DLGAP2: variants seen among roughly 807,000 people sequenced by gnomAD.
DLGAP2 encodes disks large-associated protein 2.
Under a neutral mutation model 100.3 loss-of-function variants are expected in DLGAP2, and 26 were observed. The ratio of observed to expected loss-of-function variants is 0.26; its 90% confidence interval spans 0.19 to 0.36. The LOEUF (loss-of-function observed/expected upper bound fraction) is 0.36, where lower values mean the gene tolerates loss of function less well. Ranked by LOEUF, DLGAP2 falls within the 10% of genes least tolerant of loss-of-function variation. DLGAP2 has a pLI of 1.00. For missense variants in DLGAP2, 1,858 were observed against 1,453.2 expected, an observed-to-expected ratio of 1.28 and a Z score of -4.53; for synonymous variants, 886 against 630.1, an observed-to-expected ratio of 1.41 and a Z score of -6.08.
intron 1 of DLGAP2, among the ~76,000 whole-genome samples, chr8:786,710 G>C (rs1451570024): frequency 6.6e-6 from 1 of 152,150 alleles, no homozygotes; most frequent in Non-Finnish European, 1.5e-5. Flanking sequence ...GCTGAGAAGG[G>C]AGAGTTTCCC....
intron 1 of DLGAP2, among the ~76,000 whole-genome samples, chr8:857,681 G>T (rs1266584867): frequency 6.6e-6 from 1 of 152,176 alleles, no homozygotes; most frequent in African/African-American, 2.4e-5. Context: ...ACACCATCAA[G>T]TGCTGGTGAG....
At chr8:1,225,627 C>G (rs977555687) in intron 2 of DLGAP2, among the ~76,000 whole-genome samples, 1 of 152,208 alleles carries the variant, frequency 6.6e-6, no homozygotes, top group Non-Finnish European at 1.5e-5. Context: ...GTATCATGAA[C>G]ACTTTTAAGC....
At chr8:1,349,518 T>G (rs1801654081) in intron 3 of DLGAP2, among the ~76,000 whole-genome samples, 1 of 142,264 alleles carries the variant, frequency 7.0e-6, no homozygotes, top group African/African-American at 2.7e-5. Context: ...AAAGGGGTGT[T>G]TGAGGGGGAC....
At chr8:931,761 G>C (rs1443257903) in intron 2 of DLGAP2, among the ~76,000 whole-genome samples, 8 of 152,188 alleles carry the variant, frequency 5.3e-5, no homozygotes, top group Admixed American at 3.3e-4. Context: ...ACAGGAAAAA[G>C]GGCCCCACTT....
intron 4 of DLGAP2, among the ~76,000 whole-genome samples, chr8:1,548,257 T>G (rs1801609298): frequency 6.6e-6 from 1 of 151,872 alleles, no homozygotes; most frequent in Admixed American, 6.6e-5. Flanking sequence ...GTCAGGAGTT[T>G]GAAACTAGCC....
chr8:1,302,748 G>T (rs1481878477), intron 3 of DLGAP2: 1 of 152,258 alleles, frequency 6.6e-6, no homozygotes, highest in Non-Finnish European at 1.5e-5. Context: ...CGAAGGGAAG[G>T]GCTCTTGCCC....
At chr8:900,113 CT>C (rs540531723) in intron 1 of DLGAP2, among the ~76,000 whole-genome samples, 1 of 152,126 alleles carries the variant, frequency 6.6e-6, no homozygotes, top group South Asian at 2.1e-4. Flanking sequence ...GCGGCCTCCT[CT>C]TCACGGCGTC....
intron 3 of DLGAP2, among the ~76,000 whole-genome samples, chr8:1,377,573 C>T (rs1795987900): frequency 6.6e-6 from 1 of 152,126 alleles, no homozygotes; most frequent in Admixed American, 6.5e-5. Context: ...AATAAAGATG[C>T]ACAGGTCTTC....
Position 1,707,591 on chromosome 8 carries a change from G to A in DLGAP2, c.*6185G>A, listed in dbSNP as rs981704866. On this transcript the variant is annotated 3_prime_UTR_variant, in exon 15 of 15. Transcript: ENST00000637795. ...TACTTTCGAACGCTTCCTTCCGAAC[G>A]GTAAGCCACTTCGCTCTCGGGCAGG... 5 of 152,042 alleles carry A rather than the reference G, an allele frequency of 3.3e-5. No individual in the cohort carries two copies. Among genetic ancestry groups the A allele is most frequent in the East Asian group, 1.9e-4 (1 of 5,178 alleles). 9.4% of individuals were successfully genotyped at this position (152,042 alleles called of 1,614,324 possible).
intron 8 of DLGAP2, among the ~76,000 whole-genome samples, chr8:1,635,166 A>C (rs919021425): frequency 1.3e-5 from 2 of 152,256 alleles, no homozygotes; most frequent in Non-Finnish European, 2.9e-5. Flanking sequence ...ATTGTATATT[A>C]GTTATTTAAA....
At chr8:1,614,670 G>A (rs115166143) in intron 6 of DLGAP2, among the ~76,000 whole-genome samples, 28 of 152,364 alleles carry the variant, frequency 1.8e-4, no homozygotes, top group African/African-American at 6.5e-4. Context: ...AACTACAGCA[G>A]CAGAACTGAT....
intron 4 of DLGAP2, among the ~76,000 whole-genome samples, chr8:1,530,183 G>A (rs563594768): frequency 3.7e-4 from 57 of 152,248 alleles, no homozygotes; most frequent in African/African-American, 1.3e-3. Context: ...GGAGACTGGG[G>A]TCTATTTCAC....
At position 1,669,373 on chromosome 8, in the gene DLGAP2, C is replaced by G. The variant is rs187190382; in HGVS notation, c.2161-370C>G. ...CCACGCTGCACCTCCCTCTGCAAGT[C>G]TGTTTTAGGTGCAGTGTTGTGCACC... On this transcript the variant is annotated intron_variant, in intron 9 of 14. Transcript: ENST00000637795. Among the ~76,000 whole-genome samples the G allele has an allele frequency of 1.7e-4, 26 of 152,376 alleles. No homozygotes were observed. In the East Asian group the frequency reaches 4.6e-3, roughly 27 times the overall value.
intron 8 of DLGAP2, among the ~76,000 whole-genome samples, chr8:1,653,996 T>C (rs978631294): frequency 6.6e-6 from 1 of 152,228 alleles, no homozygotes; most frequent in Non-Finnish European, 1.5e-5. Context: ...TAACTTCAGG[T>C]ATGTTAGTTG....
chr8:1,294,681 TGTTG>T, intron 3 of DLGAP2, among the ~76,000 whole-genome samples: 1 of 152,226 alleles, frequency 6.6e-6, no homozygotes, highest in Admixed American at 6.5e-5. Flanking sequence ...ATTGAAATAA[TGTTG>T]TATGTGTGAG....
intron 3 of DLGAP2, among the ~76,000 whole-genome samples, chr8:1,459,350 C>G (rs532984006): frequency 1.3e-5 from 2 of 152,258 alleles, no homozygotes; most frequent in East Asian, 3.9e-4. Flanking sequence ...TGCATAGGCC[C>G]CAGGGGTCAC....
At chr8:1,213,614 G>C (rs890060464) in intron 2 of DLGAP2, among the ~76,000 whole-genome samples, 1 of 152,132 alleles carries the variant, frequency 6.6e-6, no homozygotes, top group Non-Finnish European at 1.5e-5. Context: ...GGGGTAAGCA[G>C]CGTTCATGCA....
At chr8:943,615 A>G (rs1799246630) in intron 2 of DLGAP2, among the ~76,000 whole-genome samples, 1 of 151,766 alleles carries the variant, frequency 6.6e-6, no homozygotes, top group Non-Finnish European at 1.5e-5. Context: ...CATGTGGAGG[A>G]GCTGGCATGT....
chr8:968,915 G>A (rs1799946134), intron 2 of DLGAP2, among the ~76,000 whole-genome samples: 1 of 152,124 alleles, frequency 6.6e-6, no homozygotes, highest in Non-Finnish European at 1.5e-5. Context: ...AGACATTATG[G>A]TGGGATTTGC....
Sources: allele counts gnomAD v4.1 joint callset (sites outside exome capture counted in the v4.1 genomes callset), GRCh38; gene constraint gnomAD v4.1.1; transcripts MANE v1.5; gene names NCBI Gene and HGNC (gene_info 2026-07-23, HGNC 2026-07-21).